Variants in ATP6V0E1 observed in about 807,000 individuals in gnomAD.
ATP6V0E1 encodes V-type proton ATPase subunit e 1.
A neutral mutation model predicts 11.6 loss-of-function variants in ATP6V0E1; 4 were observed. The observed-to-expected ratio is 0.35, with a 90% CI of 0.17 to 0.79. The LOEUF (loss-of-function observed/expected upper bound fraction) is 0.79. ATP6V0E1 is among the 30% of genes least tolerant of loss of function. The pLI is 0.54. For missense variants in ATP6V0E1, 105 were observed against 100.0 expected (o/e 1.05, Z -0.21); for synonymous variants, 36 against 34.8 (o/e 1.04, Z -0.13).
At chr5:173,013,360 G>A (rs1298749662) in intron 2 of ATP6V0E1, among the ~76,000 whole-genome samples, 1 of 152,126 alleles carries the variant, frequency 6.6e-6, no homozygotes, top group Non-Finnish European at 1.5e-5. Flanking sequence ...TGAATCACGA[G>A]GTCAGGAGAT....
At chr5:173,017,710 G>A (rs1310092758) in intron 2 of ATP6V0E1, among the ~76,000 whole-genome samples, 8 of 150,896 alleles carry the variant, frequency 5.3e-5, no homozygotes, top group East Asian at 2.0e-4. Flanking sequence ...GGATGGTGGC[G>A]CGTGCCTGTA....
In ATP6V0E1 at chr5:172,987,170, C is replaced by A; in HGVS notation, c.104+3206C>A. 4 of 195,936 alleles carry A rather than the reference C, an allele frequency of 2.0e-5. No individual in the cohort carries two copies. The South Asian group carries it at 3.2e-4, about 16-fold the overall frequency. 12.1% of individuals were successfully genotyped at this position (195,936 alleles called of 1,614,324 possible). ...AGGCCATGGGGAAGGGGCCCCTGGT[C>A]ATAGGTGGAATTAAGAAATCCGGCA... On this transcript the variant is annotated intron_variant, in intron 1 of 3. Transcript: ENST00000519374.
In ATP6V0E1 at chr5:172,983,891, A is replaced by G. The variant is rs1379298649; in HGVS notation, c.31A>G (p.Ile11Val). 2 of 1,613,518 alleles carry G rather than the reference A, an allele frequency of 1.2e-6. No individual in the cohort carries two copies. Among genetic ancestry groups the G allele is most frequent in the African/African-American group, 2.7e-5 (2 of 74,904 alleles). Residue 11 changes from isoleucine to valine, a missense_variant, in exon 1 of 4, where the codon ATT becomes GTT. Coordinates refer to ENST00000519374, the MANE Select transcript of ATP6V0E1 (RefSeq NM_003945.4). MAYHGLTVPL[I>V]VMSVFWGFVG... ...GTATCACGGCCTCACTGTGCCTCTCATTGTGATGAGCGTGTTCTGGGGCTT... is the reference window on the plus strand; with the variant it reads ...GTATCACGGCCTCACTGTGCCTCTCGTTGTGATGAGCGTGTTCTGGGGCTT...
intron 2 of ATP6V0E1, among the ~76,000 whole-genome samples, chr5:172,996,786 A>C (rs566994737): frequency 6.6e-6 from 1 of 152,176 alleles, no homozygotes. Context: ...ATACAAGGTG[A>C]TGAAAGAGGG....
intron 1 of ATP6V0E1, among the ~76,000 whole-genome samples, chr5:172,988,458 A>T (rs1320472062): frequency 6.6e-6 from 1 of 152,174 alleles, no homozygotes; most frequent in Non-Finnish European, 1.5e-5. Flanking sequence ...TTAAAATGGA[A>T]ATAGGCTTTT....
chr5:173,004,090 G>A lies in ATP6V0E1; in HGVS notation c.152+9268G>A, dbSNP rs542310379. On this transcript the variant is annotated intron_variant, in intron 2 of 3. Coordinates refer to ENST00000519374, the MANE Select transcript of ATP6V0E1 (RefSeq NM_003945.4). Reference sequence around the variant, plus strand: ...GGAGAGAAAAGTAAAGAAAAGATCCGACCAAACCTGAGGAATGCCAACATT... The same window carrying A: ...GGAGAGAAAAGTAAAGAAAAGATCCAACCAAACCTGAGGAATGCCAACATT... Among the ~76,000 whole-genome samples, 5 of 152,236 alleles carry A rather than the reference G, an allele frequency of 3.3e-5. No individual in the cohort carries two copies. In the East Asian group the frequency reaches 5.8e-4, roughly 18 times the overall value.
Position 173,034,587 on chromosome 5 carries a change from A to G in ATP6V0E1, c.*225A>G, listed in dbSNP as rs1248295255. On this transcript the variant is annotated 3_prime_UTR_variant, in exon 4 of 4. Transcript: ENST00000519374. ...TGAATTACGTGCCTCCATAACCTGA[A>G]CTGTGCCGACTCCACAAAACGATTA... is the stretch of plus-strand genomic sequence containing the variant. The G allele has an allele frequency of 1.6e-6, 1 of 630,698 alleles. No individual in the cohort carries two copies. Among genetic ancestry groups the G allele is most frequent in the East Asian group, 2.8e-5 (1 of 36,282 alleles). The allele number at this position is 630,698 out of a possible 1,614,324, so 39.1% of individuals were successfully genotyped here.
chr5:173,030,638 A>G (rs1756635627), intron 3 of ATP6V0E1, among the ~76,000 whole-genome samples: 1 of 150,850 alleles, frequency 6.6e-6, no homozygotes, highest in Non-Finnish European at 1.5e-5. Flanking sequence ...ACGGGGTTTC[A>G]CCATGTTTGC....
At chr5:173,030,322 A>T (rs1756629671) in intron 3 of ATP6V0E1, among the ~76,000 whole-genome samples, 1 of 152,214 alleles carries the variant, frequency 6.6e-6, no homozygotes, top group Admixed American at 6.5e-5. Context: ...TAAAATTTTT[A>T]AACAGATAAA....
chr5:172,994,906 C>G, intron 2 of ATP6V0E1, 84 bp downstream of exon 2: 1 of 1,055,324 alleles, frequency 9.5e-7, no homozygotes, highest in Non-Finnish European at 1.4e-6. Flanking sequence ...GCTCATCCCT[C>G]ATGTAATATC....
chr5:172,994,864 G>A (rs762750129), intron 2 of ATP6V0E1, 42 bp downstream of exon 2: 1 of 1,477,922 alleles, frequency 6.8e-7, no homozygotes, highest in Admixed American at 1.9e-5. Flanking sequence ...GGTATTTGTA[G>A]TGTGTGCGAT....
chr5:173,008,761 A>T (rs1267067244), intron 2 of ATP6V0E1, among the ~76,000 whole-genome samples: 1 of 150,064 alleles, frequency 6.7e-6, no homozygotes, highest in East Asian at 2.0e-4. Flanking sequence ...TACAAAAAAA[A>T]TTAGCTGGGC....
chr5:173,029,509 T>C (rs906968467), intron 3 of ATP6V0E1, among the ~76,000 whole-genome samples: 1 of 152,146 alleles, frequency 6.6e-6, no homozygotes, highest in Non-Finnish European at 1.5e-5. Context: ...CTCTGAATTA[T>C]GGCAGGTGCT....
At chr5:172,986,810 A>T (rs1335959023) in intron 1 of ATP6V0E1, 1 of 426,166 alleles carries the variant, frequency 2.3e-6, no homozygotes, top group Non-Finnish European at 4.7e-6. Context: ...TGTTTTTGAG[A>T]CAGAGTCTCA....
intron 3 of ATP6V0E1, among the ~76,000 whole-genome samples, chr5:173,024,632 A>T (rs1756528975): frequency 6.6e-6 from 1 of 152,094 alleles, no homozygotes; most frequent in Admixed American, 6.6e-5. Context: ...GGTTCTGTTC[A>T]GTGGAAATGG....
chr5:173,020,205 C>T (rs370842248), intron 2 of ATP6V0E1, 33 bp from the exon 3 acceptor site: 32 of 1,534,928 alleles, frequency 2.1e-5, no homozygotes, highest in African/African-American at 1.4e-4. Flanking sequence ...ATGATTTCAC[C>T]GCTTCGTTGT....
intron 3 of ATP6V0E1, chr5:173,020,638 A>G: frequency 1.3e-5 from 7 of 530,714 alleles, no homozygotes; most frequent in South Asian, 1.0e-4. Context: ...TTTCAGACGC[A>G]GATCAAAAAA....
At chr5:173,025,623 T>G (rs1014564168) in intron 3 of ATP6V0E1, among the ~76,000 whole-genome samples, 6 of 149,254 alleles carry the variant, frequency 4.0e-5, no homozygotes. Flanking sequence ...GCCTTCTGAT[T>G]ATCTGGGACT....
chr5:173,010,649 G>A (rs959134291), intron 2 of ATP6V0E1, among the ~76,000 whole-genome samples: 11 of 152,154 alleles, frequency 7.2e-5, no homozygotes, highest in Non-Finnish European at 1.3e-4. Flanking sequence ...TTTTAGTGGC[G>A]CTAGGGCAAA....
Sources: allele counts gnomAD v4.1 joint callset (sites outside exome capture counted in the v4.1 genomes callset), GRCh38; gene constraint gnomAD v4.1.1; transcripts MANE v1.5; gene names NCBI Gene and HGNC (gene_info 2026-07-23, HGNC 2026-07-21).